LHFPL3: variants seen among roughly 807,000 people sequenced by gnomAD.
LHFPL3 encodes the protein LHFPL tetraspan subfamily member 3.
Under a neutral mutation model 19.3 loss-of-function variants are expected in LHFPL3, and 5 were observed. That is an observed-to-expected ratio of 0.26 (90% CI 0.14 to 0.54). The LOEUF is 0.54. Among genes scored for constraint, LHFPL3 ranks in the 20% least tolerant of loss-of-function variants. LHFPL3 has a pLI of 0.94. For synonymous variants in LHFPL3, 133 were observed against 126.2 expected (o/e 1.05, Z -0.36); for missense variants, 249 against 307.4 (o/e 0.81, Z 1.42).
chr7:104,656,841 A>G (rs1174087597), intron 1 of LHFPL3, among the ~76,000 whole-genome samples: 1 of 152,230 alleles, frequency 6.6e-6, no homozygotes, highest in Non-Finnish European at 1.5e-5. Context: ...AATTATCCAT[A>G]TGGGCATCTT....
chr7:104,652,524 CAT>C (rs1400506941), intron 1 of LHFPL3, among the ~76,000 whole-genome samples: 2 of 152,160 alleles, frequency 1.3e-5, no homozygotes, highest in African/African-American at 4.8e-5. Flanking sequence ...TCACCCCAAA[CAT>C]GTATCTGTTT....
At chr7:104,477,278 A>G (rs747233319) in intron 1 of LHFPL3, among the ~76,000 whole-genome samples, 1 of 152,202 alleles carries the variant, frequency 6.6e-6, no homozygotes, top group Non-Finnish European at 1.5e-5. Context: ...GGTGTGAGCC[A>G]GTGCGCCCAG....
chr7:104,776,704 G>T (rs1645130830), intron 2 of LHFPL3, among the ~76,000 whole-genome samples: 2 of 152,150 alleles, frequency 1.3e-5, no homozygotes. Flanking sequence ...TATTCATACT[G>T]GCATATAGAT....
intron 2 of LHFPL3, among the ~76,000 whole-genome samples, chr7:104,838,777 T>A (rs919690811): frequency 1.3e-5 from 2 of 152,222 alleles, no homozygotes; most frequent in African/African-American, 4.8e-5. Flanking sequence ...TGTTTTATTT[T>A]AATTAATTTA....
chr7:104,734,530 A>T (rs1277508302), intron 1 of LHFPL3, among the ~76,000 whole-genome samples: 1 of 152,230 alleles, frequency 6.6e-6, no homozygotes, highest in Non-Finnish European at 1.5e-5. Context: ...AAGCTTGTGC[A>T]TTCGTCACAT....
At chr7:104,879,396 A>G (rs1357489200) in intron 2 of LHFPL3, among the ~76,000 whole-genome samples, 3 of 152,096 alleles carry the variant, frequency 2.0e-5, no homozygotes, top group African/African-American at 4.8e-5. Flanking sequence ...GGTCTGTGCA[A>G]CAGAGTGAGA....
At chr7:104,737,757 T>TA (rs978377835) in intron 2 of LHFPL3, among the ~76,000 whole-genome samples, 1 of 152,224 alleles carries the variant, frequency 6.6e-6, no homozygotes, top group Admixed American at 6.5e-5. Context: ...ACTGTGCACT[T>TA]ACATTATCAC....
At chr7:104,541,301 C>G (rs1046896394) in intron 1 of LHFPL3, among the ~76,000 whole-genome samples, 1 of 152,142 alleles carries the variant, frequency 6.6e-6, no homozygotes, top group African/African-American at 2.4e-5. Context: ...ACTTGTCTGT[C>G]TCTTCCATTA....
At chr7:104,672,058 AGT>A (rs71155518) in intron 1 of LHFPL3, among the ~76,000 whole-genome samples, 15,192 of 148,712 alleles carry the variant, frequency 0.1, 852 homozygotes, top group Non-Finnish European at 0.12. Context: ...TTAACTTCCA[AGT>A]GTGTGTGTGT....
At chr7:104,445,547 G>T (rs901533026) in intron 1 of LHFPL3, among the ~76,000 whole-genome samples, 7 of 152,170 alleles carry the variant, frequency 4.6e-5, no homozygotes, top group Admixed American at 1.3e-4. Flanking sequence ...TGTTCTCACA[G>T]ACTTGAGAAA....
intron 1 of LHFPL3, among the ~76,000 whole-genome samples, chr7:104,377,899 TC>T (rs1790747678): frequency 2.0e-5 from 3 of 152,374 alleles, no homozygotes; most frequent in African/African-American, 7.2e-5. Flanking sequence ...GCCTGTGGCT[TC>T]TTCAATTATT....
At chr7:104,688,018 G>A (rs1288476704) in intron 1 of LHFPL3, among the ~76,000 whole-genome samples, 7 of 152,334 alleles carry the variant, frequency 4.6e-5, no homozygotes, top group Admixed American at 4.6e-4. Context: ...ACTTCTAATA[G>A]TATGGAGAAC....
intron 1 of LHFPL3, among the ~76,000 whole-genome samples, chr7:104,658,655 G>A (rs527764008): frequency 6.6e-6 from 1 of 152,038 alleles, no homozygotes; most frequent in Non-Finnish European, 1.5e-5. Context: ...ACAACTAGCT[G>A]GGTGGGCGCC....
At chr7:104,705,911 G>T (rs180705595) in intron 1 of LHFPL3, among the ~76,000 whole-genome samples, 125 of 152,226 alleles carry the variant, frequency 8.2e-4, no homozygotes, top group African/African-American at 2.9e-3. Context: ...GACTCTACTT[G>T]TCAGACCCCC....
At chr7:104,900,795 AGG>A (rs1792467727) in intron 2 of LHFPL3, among the ~76,000 whole-genome samples, 1 of 152,236 alleles carries the variant, frequency 6.6e-6, no homozygotes, top group African/African-American at 2.4e-5. Context: ...AGCTTTGAAA[AGG>A]ATTTGCAAAG....
chr7:104,668,944 G>T lies in LHFPL3; in HGVS notation c.446-67731G>T. ...GCCAAAACTAGAACGACGGCCTCGG[G>T]AGAGACACCCAAGCTGGCAAAGTGA... On this transcript the variant is annotated intron_variant, in intron 1 of 2. Coordinates refer to ENST00000424859, the MANE Select transcript of LHFPL3 (RefSeq NM_199000.3). The T allele has an allele frequency of 1.9e-6, 3 of 1,612,446 alleles. No individual in the cohort carries two copies. The East Asian group carries it at 6.7e-5, about 36-fold the overall frequency.
At chr7:104,644,754 C>CT (rs11394886) in intron 1 of LHFPL3, among the ~76,000 whole-genome samples, 150,533 of 152,112 alleles carry the variant, frequency 0.99, 74,491 homozygotes, top group East Asian at 1. Context: ...ATTCCTCCCC[C>CT]TCCCTGCTGC....
At chr7:104,771,009 G>A (rs923039129) in intron 2 of LHFPL3, among the ~76,000 whole-genome samples, 1 of 152,154 alleles carries the variant, frequency 6.6e-6, no homozygotes, top group Non-Finnish European at 1.5e-5. Flanking sequence ...CATGGTTGGA[G>A]CTCAACATAT....
chr7:104,632,827 G>T (rs534882698), intron 1 of LHFPL3, among the ~76,000 whole-genome samples: 1 of 152,212 alleles, frequency 6.6e-6, no homozygotes, highest in East Asian at 1.9e-4. Flanking sequence ...GTAATTTTTT[G>T]CATTTTCAGT....
Sources: allele counts gnomAD v4.1 joint callset (sites outside exome capture counted in the v4.1 genomes callset), GRCh38; gene constraint gnomAD v4.1.1; transcripts MANE v1.5; gene names NCBI Gene and HGNC (gene_info 2026-07-23, HGNC 2026-07-21).